The following CALCOCO1 variants were observed in gnomAD, a reference collection of about 807,000 sequenced individuals.
CALCOCO1 encodes calcium-binding and coiled-coil domain-containing protein 1.
CALCOCO1 carries 44 observed loss-of-function variants against 86.3 expected under a neutral mutation model. That is an observed-to-expected ratio of 0.51 (90% CI 0.40 to 0.66). The LOEUF (loss-of-function observed/expected upper bound fraction) is 0.66. Ranked by LOEUF, CALCOCO1 falls within the 30% of genes least tolerant of loss-of-function variation. The pLI is 0.00. For missense variants in CALCOCO1, 708 were observed against 851.1 expected (o/e 0.83, Z 2.09); for synonymous variants, 297 against 327.6 (o/e 0.91, Z 1.01).
rs571931940 is a variant in CALCOCO1 at position 53,714,224 on chromosome 12, C to T, written c.1500G>A (p.Met500Ile). The T allele has an allele frequency of 3.7e-5, 60 of 1,613,422 alleles. No individual in the cohort carries two copies. In the South Asian group the frequency reaches 6.4e-4, roughly 17 times the overall value. Residue 500 changes from methionine (M) to isoleucine (I), a missense_variant, in exon 12 of 15, where the codon ATG becomes ATA. Coordinates refer to ENST00000550804, the MANE Select transcript of CALCOCO1 (RefSeq NM_020898.3). Reference protein sequence around the residue: ...QEEKQELLEYMRKLEARLEKV... With the variant: ...QEEKQELLEYIRKLEARLEKV... ...TCTCCAGGCGGGCCTCTAGCTTTCT[C>T]ATGTACTCTAGCAATTCCTGGAATT...
chr12:53,719,849 A>G lies in CALCOCO1; in HGVS notation c.759-20T>C, dbSNP rs1295130529. On this transcript the variant is annotated intron_variant, in intron 6 of 14. Coordinates refer to ENST00000550804, the MANE Select transcript of CALCOCO1 (RefSeq NM_020898.3). The stretch of plus-strand genomic sequence containing the variant: ...CTAAGCCTGTGATTGGTGGGATGAC[A>G]TGTCAGACAATCTGCTCCACCCAGA... The G allele has an allele frequency of 6.5e-7, 1 of 1,545,530 alleles. No individual in the cohort carries two copies. The highest frequency in any genetic ancestry group is 2.2e-5 in the East Asian group (1 of 44,486).
At chr12:53,722,863 G>A (rs752541530) in intron 4 of CALCOCO1, 106 of 419,482 alleles carry the variant, frequency 2.5e-4, no homozygotes, top group African/African-American at 1.8e-3. Context: ...TTGTGAAACC[G>A]CAACAGAGAG....
intron 10 of CALCOCO1, 28 bp from the exon 11 acceptor site, chr12:53,714,721 G>A (rs1358832004): frequency 6.4e-7 from 1 of 1,556,390 alleles, no homozygotes; most frequent in African/African-American, 1.4e-5. Context: ...AATGGAATCT[G>A]GAGCCTAGAA....
intron 11 of CALCOCO1, 73 bp downstream of exon 11, chr12:53,714,525 A>C: frequency 8.8e-7 from 1 of 1,142,722 alleles, no homozygotes; most frequent in Non-Finnish European, 1.3e-6. Context: ...AAGAGATGAC[A>C]GGAATTTACA....
rs1330534055 is a variant in CALCOCO1, at chr12:53,713,080, G to A, written c.1898+20C>T. 6.2e-7 allele frequency: 1 copy of A among 1,604,594 alleles called. No individual in the cohort carries two copies. On this transcript the variant is annotated intron_variant, in intron 14 of 14. Transcript: ENST00000550804. ...CTGACCTCCTCCCACCTCCCTCCTG[G>A]CCTTGCTGGTTGAACTCACCTGGCC...
In CALCOCO1 at chr12:53,708,536, T is replaced by G. The variant is rs1365570043; in HGVS notation, c.*3408A>C. On this transcript the variant is annotated 3_prime_UTR_variant, in exon 15 of 15. Coordinates refer to ENST00000550804, the MANE Select transcript of CALCOCO1 (RefSeq NM_020898.3). ...ACTTCATTTAATGGTATTGGTAATA[T>G]TTATTTGAAGCTAGTTGGTGAGCTC... 6.6e-6 allele frequency: 1 copy of G among 152,188 alleles called. No homozygotes were observed. The highest frequency in any genetic ancestry group is 2.4e-5 in the African/African-American group (1 of 41,448). 9.4% of individuals were successfully genotyped at this position (152,188 alleles called of 1,614,324 possible).
At chr12:53,723,073 A>C (rs1240142324) in intron 4 of CALCOCO1, 17 of 351,942 alleles carry the variant, frequency 4.8e-5, no homozygotes, top group South Asian at 3.6e-4. Context: ...TCTCTTTAAA[A>C]AATACTAAGT....
intron 14 of CALCOCO1, chr12:53,712,694 T>G: frequency 2.7e-6 from 2 of 748,086 alleles, no homozygotes; most frequent in Non-Finnish European, 1.9e-6. Flanking sequence ...AGATGGATGC[T>G]GGATCCCAGT....
chr12:53,724,786 A>G (rs748819916), intron 2 of CALCOCO1, 39 bp from the exon 3 acceptor site: 1 of 1,503,706 alleles, frequency 6.7e-7, no homozygotes, highest in East Asian at 2.3e-5. Flanking sequence ...ATGGTCATGG[A>G]ACTACCTTCT....
At chr12:53,725,329 C>A in intron 1 of CALCOCO1, 63 bp from the exon 2 acceptor site, 1 of 1,098,504 alleles carries the variant, frequency 9.1e-7, no homozygotes. Flanking sequence ...CCCACAGCTC[C>A]AGCACCACAC....
intron 10 of CALCOCO1, 118 bp downstream of exon 10, chr12:53,715,082 G>T: frequency 1.6e-6 from 2 of 1,266,016 alleles, no homozygotes; most frequent in Non-Finnish European, 2.2e-6. Context: ...CAAGTGAAAT[G>T]CCACCCAACA....
chr12:53,723,623 C>T lies in CALCOCO1; in HGVS notation c.420G>A (p.Leu140=), dbSNP rs1351582283. The change falls in exon 4 of 15, where the codon CTG becomes CTA. Residue 140 remains leucine (L), a synonymous_variant. Coordinates refer to ENST00000550804, the MANE Select transcript of CALCOCO1 (RefSeq NM_020898.3). ...ACACAGTTGCCTTGGGGACAACCAG[C>T]AGGATGTCAGAGCCCCCATCAGCCT... is the stretch of plus-strand genomic sequence containing the variant. ...LEEADGGSDI[L]LVVPKATVLQ... is the part of the protein sequence containing the mutation. The T allele has an allele frequency of 1.2e-6, 2 of 1,614,204 alleles. No homozygotes were observed. Among genetic ancestry groups the T allele is most frequent in the Non-Finnish European group, 1.7e-6 (2 of 1,180,038 alleles).
At chr12:53,715,685 G>C (rs2120572605) in intron 9 of CALCOCO1, 108 bp downstream of exon 9, 2 of 1,469,658 alleles carry the variant, frequency 1.4e-6, no homozygotes, top group East Asian at 4.6e-5. Flanking sequence ...GTCCTCTAAG[G>C]TTCTCAACCC....
Position 53,724,736 on chromosome 12 carries a change from G to A in CALCOCO1, c.168C>T (p.Ala56=), listed in dbSNP as rs2120654456. 6.2e-7 allele frequency: 1 copy of A among 1,612,656 alleles called. No homozygotes were observed. The highest frequency in any genetic ancestry group is 1.1e-5 in the South Asian group (1 of 90,680). Residue 56 remains alanine, a synonymous_variant, in exon 3 of 15, where the codon GCC becomes GCT. Coordinates refer to ENST00000550804, the MANE Select transcript of CALCOCO1 (RefSeq NM_020898.3). ...CAAATGTGTGGTAATCCCGAACACA[G>A]GCAGCCTCCACCTGTGAAAGCCCAA... The part of the protein sequence containing the change: ...DWIGIFKVEA[A]CVRDYHTFVW...
chr12:53,721,712 C>T (rs746478011), intron 5 of CALCOCO1, 97 bp from the exon 6 acceptor site: 9 of 1,429,076 alleles, frequency 6.3e-6, no homozygotes, highest in Non-Finnish European at 8.7e-6. Flanking sequence ...GGTCTGACTG[C>T]TTCCACCTGG....
At chr12:53,722,310 G>T in intron 4 of CALCOCO1, 127 bp from the exon 5 acceptor site, 1 of 1,012,414 alleles carries the variant, frequency 9.9e-7, no homozygotes, top group Non-Finnish European at 1.5e-6. Flanking sequence ...AAAGAGGTGA[G>T]GAAGGGGATG....
Position 53,710,279 on chromosome 12 carries a change from G to C in CALCOCO1, c.*1665C>G, listed in dbSNP as rs1945522241. On this transcript the variant is annotated 3_prime_UTR_variant, in exon 15 of 15. Coordinates refer to ENST00000550804, the MANE Select transcript of CALCOCO1 (RefSeq NM_020898.3). ...GGTTGCTAGGAGACGGAGACGTGAG[G>C]GAAGAAGGAACGATGTAAGAAGTCA... 6.6e-6 allele frequency: 1 copy of C among 152,290 alleles called. No individual in the cohort carries two copies. The highest frequency in any genetic ancestry group is 1.5e-5 in the Non-Finnish European group (1 of 68,072). 9.4% of individuals were successfully genotyped at this position (152,290 alleles called of 1,614,324 possible).
At chr12:53,712,725 T>C in intron 14 of CALCOCO1, 1 of 1,055,828 alleles carries the variant, frequency 9.5e-7, no homozygotes, top group Non-Finnish European at 1.3e-6. Context: ...CTCCTATCCC[T>C]GGGGGCCATG....
In CALCOCO1 at chr12:53,725,072, G is replaced by C; in HGVS notation, c.156+15C>G. On this transcript the variant is annotated intron_variant, in intron 2 of 14. Coordinates refer to ENST00000550804, the MANE Select transcript of CALCOCO1 (RefSeq NM_020898.3). ...ACAGCCCATAAACCTAAGCCAAAAG[G>C]GGTTCCAGAGATACCTTGAAGATGC... 1 of 1,572,960 alleles carries C rather than the reference G, an allele frequency of 6.4e-7. No individual in the cohort carries two copies. Among genetic ancestry groups the C allele is most frequent in the Non-Finnish European group, 8.6e-7 (1 of 1,161,444 alleles).
Sources: allele counts gnomAD v4.1 joint callset, GRCh38; gene constraint gnomAD v4.1.1; transcripts MANE v1.5; gene names NCBI Gene and HGNC (gene_info 2026-07-23, HGNC 2026-07-21).